The following DCC variants were observed in gnomAD, a reference collection of about 807,000 sequenced individuals.
The protein encoded by DCC is DCC netrin 1 receptor.
DCC carries 58 observed loss-of-function variants against 172.5 expected under a neutral mutation model. That is an observed-to-expected ratio of 0.34 (90% CI 0.27 to 0.42). DCC has a LOEUF of 0.42. Ranked by LOEUF, DCC falls within the 10% of genes least tolerant of loss-of-function variation. The probability of loss-of-function intolerance (pLI) is 1.00; values close to 1 mark genes in which losing one functional copy is unlikely to be tolerated. For synonymous variants in DCC, 709 were observed against 644.5 expected (o/e 1.10, Z -1.52); for missense variants, 1,740 against 1,791.0 (o/e 0.97, Z 0.51).
At chr18:53,159,599 T>A (rs1003525317) in intron 8 of DCC, among the ~76,000 whole-genome samples, 4 of 152,196 alleles carry the variant, frequency 2.6e-5, no homozygotes, top group African/African-American at 9.6e-5. Flanking sequence ...TATACAAATA[T>A]ATGCACATGG....
intron 1 of DCC, among the ~76,000 whole-genome samples, chr18:52,556,745 A>G (rs541461593): frequency 1.3e-5 from 2 of 152,070 alleles, no homozygotes; most frequent in South Asian, 4.2e-4. Context: ...CCTCATGAAT[A>G]ATTGCACATA....
chr18:53,459,176 A>C (rs923470280), intron 23 of DCC, 56 bp from the exon 24 acceptor site: 1 of 1,331,002 alleles, frequency 7.5e-7, no homozygotes, highest in Non-Finnish European at 1.1e-6. Context: ...TGATGAAAGA[A>C]AGGAAGTGCC....
At chr18:53,357,323 A>C (rs1398929192) in intron 15 of DCC, among the ~76,000 whole-genome samples, 2 of 152,186 alleles carry the variant, frequency 1.3e-5, no homozygotes, top group Non-Finnish European at 2.9e-5. Context: ...GGAGAAATGA[A>C]CCTTTATAAC....
In DCC at chr18:52,745,242, C is replaced by T. The variant is rs186478046; in HGVS notation, c.92-6812C>T. 6.1e-3 allele frequency among the ~76,000 whole-genome samples: 933 copies of T among 152,290 alleles called. 3 individuals are homozygous for T. Among genetic ancestry groups the T allele is most frequent in the Non-Finnish European group, 0.011 (746 of 68,024 alleles). On this transcript the variant is annotated intron_variant, in intron 1 of 28. Transcript: ENST00000442544. ...TTATCCTTCTAAGTTCACCTACTTA[C>T]TTAGAAAAATAATCAACCCAAATTA... is the stretch of plus-strand genomic sequence containing the variant.
chr18:52,819,387 C>T lies in DCC; in HGVS notation c.412+67013C>T, dbSNP rs535034864. 7.2e-5 allele frequency among the ~76,000 whole-genome samples: 11 copies of T among 152,310 alleles called. No homozygotes were observed. The East Asian group carries it at 2.1e-3, about 29-fold the overall frequency. On this transcript the variant is annotated intron_variant, in intron 2 of 28. Transcript: ENST00000442544. Reference sequence around the variant, plus strand: ...TTTCTTAAAGTTTTGTTGTCTACAACTTCCTGACTAGATTAGAATGAAATG... The same window carrying T: ...TTTCTTAAAGTTTTGTTGTCTACAATTTCCTGACTAGATTAGAATGAAATG...
chr18:53,143,770 C>T (rs894831829), intron 7 of DCC, among the ~76,000 whole-genome samples: 1 of 152,218 alleles, frequency 6.6e-6, no homozygotes, highest in Non-Finnish European at 1.5e-5. Flanking sequence ...GTGAACTTTA[C>T]ACAGGTAATT....
At chr18:52,551,905 G>A (rs911287242) in intron 1 of DCC, among the ~76,000 whole-genome samples, 1 of 152,122 alleles carries the variant, frequency 6.6e-6, no homozygotes, top group African/African-American at 2.4e-5. Flanking sequence ...TGCAGATGAA[G>A]TTTCTATCTT....
At chr18:52,457,452 G>A (rs1346630281) in intron 1 of DCC, among the ~76,000 whole-genome samples, 1 of 152,070 alleles carries the variant, frequency 6.6e-6, no homozygotes, top group African/African-American at 2.4e-5. Context: ...TGGGCACAGG[G>A]GGTCACCAAC....
intron 8 of DCC, among the ~76,000 whole-genome samples, chr18:53,162,062 G>C (rs535279761): frequency 9.2e-5 from 14 of 152,206 alleles, no homozygotes; most frequent in African/African-American, 2.9e-4. Flanking sequence ...ACTTTGGGAG[G>C]CCGAGGTGAG....
rs1264596271 is a variant in DCC at position 52,908,214 on chromosome 18, A to G, written c.697+1886A>G. On this transcript the variant is annotated intron_variant, in intron 3 of 28. Transcript: ENST00000442544. ...ATTCTAAAAGCAAACTGGCAATTCAATTGAAAGTTTCCAGGTGCTTTAATG... is the reference window on the plus strand; with the variant it reads ...ATTCTAAAAGCAAACTGGCAATTCAGTTGAAAGTTTCCAGGTGCTTTAATG... Among the ~76,000 whole-genome samples the G allele has an allele frequency of 3.3e-5, 5 of 152,194 alleles. No individual in the cohort carries two copies. The South Asian group carries it at 6.2e-4, about 19-fold the overall frequency.
intron 5 of DCC, among the ~76,000 whole-genome samples, chr18:52,942,108 A>C (rs1326169953): frequency 6.6e-6 from 1 of 152,098 alleles, no homozygotes; most frequent in Non-Finnish European, 1.5e-5. Flanking sequence ...AAAAGTAATT[A>C]CTGCCTGCAG....
chr18:52,909,670 C>T (rs894771129), intron 3 of DCC, among the ~76,000 whole-genome samples: 1 of 152,116 alleles, frequency 6.6e-6, no homozygotes, highest in Non-Finnish European at 1.5e-5. Flanking sequence ...TTTTAAAGTG[C>T]TGTCTTTCAG....
chr18:53,052,873 G>A (rs896617815), intron 5 of DCC, among the ~76,000 whole-genome samples: 3 of 152,000 alleles, frequency 2.0e-5, no homozygotes, highest in East Asian at 1.9e-4. Flanking sequence ...TGCCAGGCAC[G>A]ATGGCTCATG....
chr18:53,468,159 A>G, intron 25 of DCC, 149 bp downstream of exon 25: 3 of 662,942 alleles, frequency 4.5e-6, no homozygotes, highest in Non-Finnish European at 5.5e-6. Context: ...CGTATCATTA[A>G]TAATTTGAAG....
chr18:52,721,393 C>G (rs573276143), intron 1 of DCC, among the ~76,000 whole-genome samples: 2 of 152,200 alleles, frequency 1.3e-5, no homozygotes, highest in East Asian at 3.9e-4. Context: ...CAAACTTTGA[C>G]TGTGCCTAAC....
chr18:53,202,124 C>T, intron 9 of DCC, among the ~76,000 whole-genome samples: 1 of 152,108 alleles, frequency 6.6e-6, no homozygotes, highest in East Asian at 1.9e-4. Flanking sequence ...ACTTATACAC[C>T]TAGGATTCAA....
rs115769845 is a variant in DCC, at chr18:53,510,633, C to T, written c.4111+11123C>T. 9.5e-4 allele frequency among the ~76,000 whole-genome samples: 144 copies of T among 152,264 alleles called. 1 individual carries two copies. The highest frequency in any genetic ancestry group is 3.3e-3 in the African/African-American group (137 of 41,562). On this transcript the variant is annotated intron_variant, in intron 27 of 28. Coordinates refer to ENST00000442544, the MANE Select transcript of DCC (RefSeq NM_005215.4). ...ATTCAAACTAAAGAAGCTCTAAAGC[C>T]AAGTACTATGTTTGTTTGTTATTCT...
intron 2 of DCC, among the ~76,000 whole-genome samples, chr18:52,767,065 G>A (rs1286876612): frequency 1.3e-5 from 2 of 151,154 alleles, no homozygotes; most frequent in Non-Finnish European, 2.9e-5. Flanking sequence ...ATGAGTATTG[G>A]CCTGTTTCCC....
At chr18:53,424,368 A>G (rs1181674552) in intron 21 of DCC, among the ~76,000 whole-genome samples, 1 of 152,196 alleles carries the variant, frequency 6.6e-6, no homozygotes, top group East Asian at 1.9e-4. Flanking sequence ...CACTAGAAAC[A>G]TTAGAAGGAA....
Sources: allele counts gnomAD v4.1 joint callset (sites outside exome capture counted in the v4.1 genomes callset), GRCh38; gene constraint gnomAD v4.1.1; transcripts MANE v1.5; gene names NCBI Gene and HGNC (gene_info 2026-07-23, HGNC 2026-07-21).